CSMD2: variants seen among roughly 807,000 people sequenced by gnomAD.
CSMD2 encodes CUB and sushi domain-containing protein 2.
In CSMD2, 130 loss-of-function variants were observed where a neutral mutation model predicts 398.5. The ratio of observed to expected loss-of-function variants is 0.33; its 90% CI spans 0.28 to 0.38. The LOEUF (loss-of-function observed/expected upper bound fraction) is 0.38, where lower values mean the gene tolerates loss of function less well. Ranked by LOEUF, CSMD2 falls within the 10% of genes least tolerant of loss-of-function variation. The pLI is 1.00. For missense variants in CSMD2, 3,829 were observed against 4,764.9 expected (o/e 0.80, Z 5.78); for synonymous variants, 1,828 against 1,908.5 (o/e 0.96, Z 1.10).
At chr1:34,032,368 A>G (rs1650563046) in intron 3 of CSMD2, among the ~76,000 whole-genome samples, 1 of 152,252 alleles carries the variant, frequency 6.6e-6, no homozygotes, top group Non-Finnish European at 1.5e-5. Context: ...CCAGGCCCTC[A>G]GGATAAACTA....
In CSMD2 at chr1:33,680,918, C is replaced by CTTTTTTT. The variant is rs66489770; in HGVS notation, c.4052+12005_4052+12011dup. ...CTTATTTCCATCATCCTGTTTTATG[C>CTTTTTTT]TTTTTTTTTTTTTTTTTTTTTTTTG... On this transcript the variant is annotated intron_variant, in intron 25 of 70. Coordinates refer to ENST00000373381, the MANE Select transcript of CSMD2 (RefSeq NM_001281956.2). 7.6e-4 allele frequency among the ~76,000 whole-genome samples: 58 copies of CTTTTTTT among 75,942 alleles called. 1 individual carries two copies. The highest frequency in any genetic ancestry group is 9.6e-4 in the African/African-American group (18 of 18,680). 49.8% of individuals were successfully genotyped at this position (75,942 alleles called of 152,430 possible).
chr1:33,799,886 G>A (rs979010971), intron 10 of CSMD2, among the ~76,000 whole-genome samples: 1 of 152,320 alleles, frequency 6.6e-6, no homozygotes, highest in African/African-American at 2.4e-5. Flanking sequence ...GGAATTTTCT[G>A]CACCTCCCAG....
intron 22 of CSMD2, among the ~76,000 whole-genome samples, chr1:33,702,137 T>A (rs1470794807): frequency 6.6e-6 from 1 of 152,192 alleles, no homozygotes; most frequent in Admixed American, 6.5e-5. Flanking sequence ...AATGATCTGA[T>A]TTCCTCAACA....
At position 33,546,951 on chromosome 1, in the gene CSMD2, G is replaced by A. The variant is rs143069751; in HGVS notation, c.8918-732C>T. On this transcript the variant is annotated intron_variant, in intron 56 of 70. Transcript: ENST00000373381. ...ACATATTTATGGGGTAGGAAGTGAT[G>A]TTTTGATGCATGTATTGTATATTTC... 1.8e-4 allele frequency among the ~76,000 whole-genome samples: 28 copies of A among 152,200 alleles called. No homozygotes were observed. In the East Asian group the frequency reaches 3.3e-3, roughly 18 times the overall value.
intron 2 of CSMD2, among the ~76,000 whole-genome samples, chr1:34,082,990 T>G (rs1395821518): frequency 6.6e-6 from 1 of 151,952 alleles, no homozygotes; most frequent in African/African-American, 2.4e-5. Flanking sequence ...CATGTTTATC[T>G]GCTGACCTTC....
chr1:33,938,167 C>A (rs907269844), intron 3 of CSMD2, among the ~76,000 whole-genome samples: 1 of 152,230 alleles, frequency 6.6e-6, no homozygotes, highest in Admixed American at 6.5e-5. Context: ...TTTACCTGTG[C>A]CAAGTGAGAT....
chr1:34,011,114 T>A (rs1196821819), intron 3 of CSMD2, among the ~76,000 whole-genome samples: 5 of 152,186 alleles, frequency 3.3e-5, no homozygotes, highest in African/African-American at 7.2e-5. Context: ...GTGTTTTGAC[T>A]ACTGGTCTAG....
chr1:34,107,288 A>C (rs1204485191), intron 1 of CSMD2, among the ~76,000 whole-genome samples: 1 of 152,174 alleles, frequency 6.6e-6, no homozygotes, highest in Non-Finnish European at 1.5e-5. Context: ...TCATTTACTT[A>C]TTTTGAAAAT....
At chr1:33,674,966 G>A (rs1431699744) in intron 25 of CSMD2, among the ~76,000 whole-genome samples, 1 of 152,186 alleles carries the variant, frequency 6.6e-6, no homozygotes, top group Non-Finnish European at 1.5e-5. Context: ...GCAGTGTGTA[G>A]AGGGAAATTT....
At chr1:33,714,116 C>G (rs912655397) in intron 21 of CSMD2, among the ~76,000 whole-genome samples, 2 of 152,194 alleles carry the variant, frequency 1.3e-5, no homozygotes, top group African/African-American at 4.8e-5. Flanking sequence ...CCTAAGGCGT[C>G]TCTAAGAGTG....
chr1:33,628,865 A>G (rs1374930921), intron 32 of CSMD2, among the ~76,000 whole-genome samples: 3 of 152,146 alleles, frequency 2.0e-5, no homozygotes, highest in Non-Finnish European at 2.9e-5. Flanking sequence ...GTTACTTACA[A>G]GGACAAAGAA....
At chr1:33,800,524 G>A (rs1340637924) in intron 10 of CSMD2, among the ~76,000 whole-genome samples, 2 of 152,156 alleles carry the variant, frequency 1.3e-5, no homozygotes, top group Admixed American at 6.5e-5. Flanking sequence ...GCCAAGTGCC[G>A]GGCTTTGGAG....
At chr1:33,867,037 C>T (rs1640090904) in intron 5 of CSMD2, among the ~76,000 whole-genome samples, 1 of 152,212 alleles carries the variant, frequency 6.6e-6, no homozygotes. Flanking sequence ...GTATAATCCC[C>T]TCCTATTAAG....
At chr1:33,750,832 T>C (rs1269195709) in intron 13 of CSMD2, among the ~76,000 whole-genome samples, 1 of 152,112 alleles carries the variant, frequency 6.6e-6, no homozygotes, top group African/African-American at 2.4e-5. Context: ...GAAGAAAATA[T>C]AAGGAATATT....
In CSMD2 at chr1:33,519,855, C is replaced by T. The variant is rs371497918; in HGVS notation, c.10693G>A (p.Ala3565Thr). Residue 3565 changes from alanine (A) to threonine (T), a missense_variant, in exon 69 of 71, where the codon GCC becomes ACC. By Grantham distance (58) the Ala-to-Thr change is moderately conservative. This residue lies in a region of CSMD2 where 917 missense variants were observed against 1,199.5 expected (regional missense o/e 0.76). Transcript: ENST00000373381. The surrounding 1 kb of genome is among the most constrained non-coding windows in gnomAD (Gnocchi z 5.6). ...AGCACGAAGCCCGCAATAATGAGGG[C>T]GATGAAAGGCACCAGGATCGCGGCT... Reference protein sequence around the residue: ...VAAAILVPFIALIIAGFVLYL... With the variant: ...VAAAILVPFITLIIAGFVLYL... The T allele has an allele frequency of 3.7e-6, 6 of 1,613,930 alleles. No individual in the cohort carries two copies. The highest frequency in any genetic ancestry group is 3.3e-5 in the Admixed American group (2 of 59,996).
intron 37 of CSMD2, among the ~76,000 whole-genome samples, chr1:33,620,806 CTTTT>C (rs34986869): frequency 8.7e-5 from 8 of 91,942 alleles, no homozygotes; most frequent in Middle Eastern, 7.4e-3. Flanking sequence ...TGTCCTGGGT[CTTTT>C]TTTTTTTTTT....
intron 25 of CSMD2, among the ~76,000 whole-genome samples, chr1:33,686,687 C>T (rs1645071080): frequency 6.6e-6 from 1 of 152,152 alleles, no homozygotes; most frequent in Non-Finnish European, 1.5e-5. Flanking sequence ...CTCTGGTCAC[C>T]CTCAGTGCTG....
At chr1:34,030,764 T>C (rs1277354271) in intron 3 of CSMD2, among the ~76,000 whole-genome samples, 1 of 152,172 alleles carries the variant, frequency 6.6e-6, no homozygotes. Context: ...CGACCAGGAC[T>C]GAGAAATGAG....
chr1:34,094,956 AT>A (rs1362914257), intron 1 of CSMD2, among the ~76,000 whole-genome samples: 1 of 143,392 alleles, frequency 7.0e-6, no homozygotes, highest in Non-Finnish European at 1.5e-5. Flanking sequence ...CAGAATATAC[AT>A]TTTTTTCAGC....
Sources: allele counts gnomAD v4.1 joint callset (sites outside exome capture counted in the v4.1 genomes callset), GRCh38; gene constraint gnomAD v4.1.1; regional missense constraint gnomAD v4.1.1; non-coding constraint Gnocchi (gnomAD v3.1); transcripts MANE v1.5; gene names NCBI Gene and HGNC (gene_info 2026-07-23, HGNC 2026-07-21).